The following L2HGDH variants were observed in gnomAD, a reference collection of about 807,000 sequenced individuals.
L2HGDH encodes L-2-hydroxyglutarate dehydrogenase, also known as L-2-hydroxyglutarate dehydrogenase, mitochondrial.
In L2HGDH, 34 loss-of-function variants were observed where a neutral mutation model predicts 51.5. The observed-to-expected ratio is 0.66, with a 90% confidence interval of 0.50 to 0.88. The LOEUF (loss-of-function observed/expected upper bound fraction) is 0.88, where lower values mean the gene tolerates loss of function less well. L2HGDH is among the 40% of genes least tolerant of loss of function. The pLI, the probability that L2HGDH is intolerant of heterozygous loss-of-function variation, is 0.00. For missense variants in L2HGDH, 558 were observed against 571.9 expected (o/e 0.98, Z 0.25); for synonymous variants, 198 against 197.9 (o/e 1.00, Z -0.01).
rs187595099 is a variant in L2HGDH, at chr14:50,273,993, G to A, written c.738+4527C>T. Among the ~76,000 whole-genome samples, 11 of 152,176 alleles carry A rather than the reference G, an allele frequency of 7.2e-5. No individual in the cohort carries two copies. The South Asian group carries it at 1.7e-3, about 23-fold the overall frequency. ...CTCAGGAGGGTGAGCCAGGAGAATCGCTTGAACCCAGGAGGCAGAGGTTGA... is the reference window on the plus strand; with the variant it reads ...CTCAGGAGGGTGAGCCAGGAGAATCACTTGAACCCAGGAGGCAGAGGTTGA... On this transcript the variant is annotated intron_variant, in intron 6 of 9. Coordinates refer to ENST00000267436, the MANE Select transcript of L2HGDH (RefSeq NM_024884.3).
intron 8 of L2HGDH, among the ~76,000 whole-genome samples, chr14:50,266,015 G>A (rs1280712273): frequency 6.6e-6 from 1 of 152,014 alleles, no homozygotes; most frequent in African/African-American, 2.4e-5. Context: ...GCATGGTGGT[G>A]TGTGCCTGTA....
chr14:50,277,239 T>A (rs1351474985), intron 6 of L2HGDH, among the ~76,000 whole-genome samples: 4 of 151,894 alleles, frequency 2.6e-5, no homozygotes, highest in Non-Finnish European at 5.9e-5. Flanking sequence ...TAGCATGTCT[T>A]CAGTCCTATG....
At chr14:50,249,928 G>C (rs1322138274) in intron 9 of L2HGDH, among the ~76,000 whole-genome samples, 2 of 104,634 alleles carry the variant, frequency 1.9e-5, no homozygotes, top group Non-Finnish European at 3.5e-5. Flanking sequence ...GTGAGACAGA[G>C]TCTCGCTCTG....
intron 1 of L2HGDH, chr14:50,311,499 G>C (rs969531506): frequency 4.4e-6 from 2 of 456,054 alleles, no homozygotes; most frequent in Non-Finnish European, 8.8e-6. Context: ...ACAGGACACT[G>C]AATTCTGCGG....
intron 6 of L2HGDH, among the ~76,000 whole-genome samples, chr14:50,273,094 T>C (rs1273072098): frequency 2.0e-5 from 3 of 152,186 alleles, no homozygotes; most frequent in African/African-American, 7.2e-5. Context: ...CTACACTGTT[T>C]CATGTGCAAC....
At position 50,245,359 on chromosome 14, in the gene L2HGDH, T is replaced by C. The variant is rs959987448; in HGVS notation, c.*1699A>G. 1.0e-5 allele frequency: 10 copies of C among 985,424 alleles called. No individual in the cohort carries two copies. In the African/African-American group the frequency reaches 1.7e-4, roughly 17 times the overall value. The allele number at this position is 985,424 out of a possible 1,614,324, so 61.0% of individuals were successfully genotyped here. A position where few individuals can be genotyped will look rare whatever the true frequency, so the allele number is the denominator to read the frequency against. ...ATAAAAATCTGTCTCTTCTAAGTTATTTCAGTTCTCAGCCACAGAGATTGA... is the reference window on the plus strand; with the variant it reads ...ATAAAAATCTGTCTCTTCTAAGTTACTTCAGTTCTCAGCCACAGAGATTGA... On this transcript the variant is annotated 3_prime_UTR_variant, in exon 10 of 10. Transcript: ENST00000267436.
chr14:50,277,825 T>TC (rs1249844920), intron 6 of L2HGDH, among the ~76,000 whole-genome samples: 10 of 131,880 alleles, frequency 7.6e-5, no homozygotes, highest in Admixed American at 1.6e-4. Flanking sequence ...ATAATAATAA[T>TC]AATCTGGTGG....
chr14:50,278,934 G>T (rs1034088383), intron 5 of L2HGDH, among the ~76,000 whole-genome samples: 2 of 152,224 alleles, frequency 1.3e-5, no homozygotes, highest in African/African-American at 2.4e-5. Flanking sequence ...TCATCCAAGT[G>T]TTGGTTACTG....
chr14:50,249,042 T>G (rs1355676851), intron 9 of L2HGDH, among the ~76,000 whole-genome samples: 1 of 152,178 alleles, frequency 6.6e-6, no homozygotes, highest in East Asian at 1.9e-4. Context: ...CTGAACTCAG[T>G]GCTGCCCTGT....
chr14:50,248,856 C>T (rs553870668), intron 9 of L2HGDH, among the ~76,000 whole-genome samples: 1 of 152,200 alleles, frequency 6.6e-6, no homozygotes, highest in South Asian at 2.1e-4. Context: ...TGAGCAATCA[C>T]AGTGGCTGGT....
At chr14:50,248,370 A>G (rs375247401) in intron 9 of L2HGDH, among the ~76,000 whole-genome samples, 2 of 152,234 alleles carry the variant, frequency 1.3e-5, no homozygotes, top group East Asian at 1.9e-4. Flanking sequence ...GAAGATACAA[A>G]GAACACTATG....
At chr14:50,311,768 G>C (rs755023734) in intron 1 of L2HGDH, among the ~76,000 whole-genome samples, 1 of 152,188 alleles carries the variant, frequency 6.6e-6, no homozygotes, top group Non-Finnish European at 1.5e-5. Flanking sequence ...GAAAGTGGAC[G>C]GGTTGTTCAA....
Position 50,259,600 on chromosome 14 carries a change from G to A in L2HGDH, c.1196+5758C>T, listed in dbSNP as rs149683694. Among the ~76,000 whole-genome samples, 1,144 of 151,796 alleles carry A rather than the reference G, an allele frequency of 7.5e-3. 19 individuals are homozygous for A. Among genetic ancestry groups the A allele is most frequent in the African/African-American group, 0.026 (1,088 of 41,432 alleles). On this transcript the variant is annotated intron_variant, in intron 9 of 9. Coordinates refer to ENST00000267436, the MANE Select transcript of L2HGDH (RefSeq NM_024884.3). ...TCTCAGCACTTTGGGAGGCCAAGGC[G>A]GGTAGATCACTTGAGGTCAGGAGTC... is the stretch of plus-strand genomic sequence containing the variant.
intron 9 of L2HGDH, among the ~76,000 whole-genome samples, chr14:50,251,402 A>G (rs1888341350): frequency 6.6e-6 from 1 of 152,138 alleles, no homozygotes; most frequent in Admixed American, 6.6e-5. Context: ...GGTAAATCTA[A>G]GAGTTATTGG....
In L2HGDH at chr14:50,294,060, C is replaced by T. The variant is rs978743675; in HGVS notation, c.540+55G>A. The T allele has an allele frequency of 5.6e-6, 9 of 1,594,764 alleles. No individual in the cohort carries two copies. In the Admixed American group the frequency reaches 6.7e-5, roughly 12 times the overall value. Reference sequence around the variant, plus strand: ...TGCCTCCTATACACTCACCCTCAGCCTCCATGTCTCAGGACTAAGCCCTAA... The same window carrying T: ...TGCCTCCTATACACTCACCCTCAGCTTCCATGTCTCAGGACTAAGCCCTAA... On this transcript the variant is annotated intron_variant, in intron 4 of 9. Coordinates refer to ENST00000267436, the MANE Select transcript of L2HGDH (RefSeq NM_024884.3).
intron 4 of L2HGDH, among the ~76,000 whole-genome samples, chr14:50,286,218 T>C (rs1890554596): frequency 6.6e-6 from 1 of 152,110 alleles, no homozygotes; most frequent in Non-Finnish European, 1.5e-5. Flanking sequence ...TGACCAATAG[T>C]GCTAACAAAA....
At position 50,245,315 on chromosome 14, in the gene L2HGDH, G is replaced by A; in HGVS notation, c.*1743C>T. Reference sequence around the variant, plus strand: ...ATTGGAGTTCTATACATCAGTGTCAGGATTCTAAAACTGCTCTCATAAAAA... The same window carrying A: ...ATTGGAGTTCTATACATCAGTGTCAAGATTCTAAAACTGCTCTCATAAAAA... On this transcript the variant is annotated 3_prime_UTR_variant, in exon 10 of 10. Coordinates refer to ENST00000267436, the MANE Select transcript of L2HGDH (RefSeq NM_024884.3). The A allele has an allele frequency of 1.0e-6, 1 of 985,100 alleles. No homozygotes were observed. The highest frequency in any genetic ancestry group is 1.2e-6 in the Non-Finnish European group (1 of 829,704). The allele number at this position is 985,100 out of a possible 1,614,324, so 61.0% of individuals were successfully genotyped here.
chr14:50,246,313 G>T lies in L2HGDH; in HGVS notation c.*745C>A, dbSNP rs1276629230. On this transcript the variant is annotated 3_prime_UTR_variant, in exon 10 of 10. Transcript: ENST00000267436. The stretch of plus-strand genomic sequence containing the variant: ...AGCTCACTGTAGCCTTGATCTCCCG[G>T]GCTCAAGCGATCCTCCTGCCTCAGC... 6.6e-6 allele frequency: 1 copy of T among 151,950 alleles called. No individual in the cohort carries two copies. The highest frequency in any genetic ancestry group is 1.5e-5 in the Non-Finnish European group (1 of 68,146). The allele number at this position is 151,950 out of a possible 1,614,324, so 9.4% of individuals were successfully genotyped here. A position where few individuals can be genotyped will look rare whatever the true frequency, so the allele number is the denominator to read the frequency against.
At chr14:50,300,140 T>G (rs921553614) in intron 3 of L2HGDH, among the ~76,000 whole-genome samples, 2 of 152,104 alleles carry the variant, frequency 1.3e-5, no homozygotes, top group Non-Finnish European at 2.9e-5. Context: ...AGGAATAAGT[T>G]CAGGATATCT....
Sources: allele counts gnomAD v4.1 joint callset (sites outside exome capture counted in the v4.1 genomes callset), GRCh38; gene constraint gnomAD v4.1.1; transcripts MANE v1.5; gene names NCBI Gene and HGNC (gene_info 2026-07-23, HGNC 2026-07-21).